FGL1: variants seen among roughly 807,000 people sequenced by gnomAD.
The protein encoded by FGL1 is fibrinogen like 1, also known as fibrinogen-like protein 1.
FGL1 carries 59 observed loss-of-function variants against 43.7 expected under a neutral mutation model. That is an observed-to-expected ratio of 1.35 (90% CI 1.10 to 1.68). FGL1 has a LOEUF of 1.68. FGL1 is among the 40% of genes most tolerant of loss of function. The probability of loss-of-function intolerance (pLI) is 0.00; values close to 1 mark genes in which losing one functional copy is unlikely to be tolerated. For synonymous variants in FGL1, 192 were observed against 126.5 expected, an observed-to-expected ratio of 1.52 and a Z score of -3.48; for missense variants, 596 against 373.0, an observed-to-expected ratio of 1.60 and a Z score of -4.92.
At chr8:17,885,384 G>C in intron 2 of FGL1, 108 bp downstream of exon 2, 1 of 902,240 alleles carries the variant, frequency 1.1e-6, no homozygotes, top group Non-Finnish European at 1.7e-6. Flanking sequence ...TTCCCACATA[G>C]TTAAGTTTTT....
intron 5 of FGL1, among the ~76,000 whole-genome samples, chr8:17,873,452 A>G (rs1182332640): frequency 1.3e-5 from 2 of 152,154 alleles, no homozygotes; most frequent in South Asian, 2.1e-4. Flanking sequence ...AGCAGAGCCC[A>G]GCCCTGATCA....
intron 3 of FGL1, among the ~76,000 whole-genome samples, chr8:17,880,445 A>T (rs1187785602): frequency 6.6e-6 from 1 of 152,204 alleles, no homozygotes; most frequent in Non-Finnish European, 1.5e-5. Context: ...TTCCCATAAG[A>T]TTGGCAACTC....
intron 2 of FGL1, among the ~76,000 whole-genome samples, chr8:17,883,746 G>C (rs1480596702): frequency 6.8e-6 from 1 of 146,558 alleles, no homozygotes; most frequent in African/African-American, 2.5e-5. Context: ...CTAGGTCCAA[G>C]TCATGGAACC....
At chr8:17,887,479 T>A (rs1297395562) in intron 1 of FGL1, among the ~76,000 whole-genome samples, 1 of 152,218 alleles carries the variant, frequency 6.6e-6, no homozygotes, top group Non-Finnish European at 1.5e-5. Flanking sequence ...CAAATTTCTG[T>A]ATTACAACAC....
chr8:17,885,549 T>C lies in FGL1; in HGVS notation c.6A>G (p.Ala2=), dbSNP rs761863714. The C allele has an allele frequency of 6.2e-7, 1 of 1,613,722 alleles. No homozygotes were observed. The highest frequency in any genetic ancestry group is 1.1e-5 in the South Asian group (1 of 90,994). Residue 2 remains alanine (A), a synonymous_variant, in exon 2 of 8, where the codon GCA becomes GCG. Transcript: ENST00000427924. ...TAACAAGGATGAAACTGAACACCTT[T>C]GCCATGTTCCCCCTTGAAAAAACTG... The part of the protein sequence containing the change: M[A]KVFSFILVTT...
intron 3 of FGL1, among the ~76,000 whole-genome samples, chr8:17,875,531 CTTTCT>C (rs2053436595): frequency 2.5e-4 from 3 of 12,150 alleles, no homozygotes; most frequent in African/African-American, 7.5e-4. Context: ...TTCTTTCTTT[CTTTCT>C]CTTTCTTTCT....
rs1215866534 is a variant in FGL1, at chr8:17,883,286, A to G, written c.64-1107T>C. Among the ~76,000 whole-genome samples the G allele has an allele frequency of 2.6e-5, 2 of 77,274 alleles. 1 individual carries two copies. Among genetic ancestry groups the G allele is most frequent in the Non-Finnish European group, 4.1e-5 (2 of 49,256 alleles). The allele number at this position is 77,274 out of a possible 152,430, so 50.7% of individuals were successfully genotyped here. A position where few individuals can be genotyped will look rare whatever the true frequency, so the allele number is the denominator to read the frequency against. ...TATAATATATTAAATAATATATCAT[A>G]TATATCATATATAATATATTAAATA... On this transcript the variant is annotated intron_variant, in intron 2 of 7. Transcript: ENST00000427924.
At position 17,868,743 on chromosome 8, in the gene FGL1, A is replaced by C; in HGVS notation, c.592-8T>G. The C allele has an allele frequency of 6.2e-7, 1 of 1,606,446 alleles. No homozygotes were observed. ...ATTCAACTCGTAGAAATTCTAAAGA[A>C]AAAGGGCATTTCTGCTGTCAGTGGA... is the stretch of plus-strand genomic sequence containing the variant. On this transcript the variant is annotated splice_polypyrimidine_tract_variant and splice_region_variant and intron_variant, in intron 6 of 7. Coordinates refer to ENST00000427924, the MANE Select transcript of FGL1 (RefSeq NM_004467.4).
chr8:17,893,638 A>G (rs2053737885), intron 1 of FGL1, among the ~76,000 whole-genome samples: 1 of 147,062 alleles, frequency 6.8e-6, no homozygotes, highest in Non-Finnish European at 1.5e-5. Context: ...GTAATTATTT[A>G]CATTTAGAAA....
intron 3 of FGL1, among the ~76,000 whole-genome samples, chr8:17,876,109 T>C (rs984209885): frequency 6.6e-6 from 1 of 152,160 alleles, no homozygotes; most frequent in East Asian, 1.9e-4. Flanking sequence ...CTACAAACAT[T>C]TGAATAAAAA....
intron 1 of FGL1, among the ~76,000 whole-genome samples, chr8:17,887,346 A>G (rs945227447): frequency 6.6e-6 from 1 of 152,184 alleles, no homozygotes; most frequent in African/African-American, 2.4e-5. Context: ...TGCACCTGGG[A>G]GAGGTATAAA....
chr8:17,893,380 G>A (rs575367339), intron 1 of FGL1, among the ~76,000 whole-genome samples: 2 of 150,936 alleles, frequency 1.3e-5, no homozygotes, highest in Admixed American at 1.3e-4. Flanking sequence ...ATACGTATAT[G>A]TATGAACATA....
rs555395827 is a variant in FGL1, at chr8:17,869,900, G to T, written c.503-896C>A. On this transcript the variant is annotated intron_variant, in intron 5 of 7. Transcript: ENST00000427924. Reference sequence around the variant, plus strand: ...CGAGGCGGGCGGATCACGAGGTCAGGAGATAGAGACCATCCTGGCTAACAC... The same window carrying T: ...CGAGGCGGGCGGATCACGAGGTCAGTAGATAGAGACCATCCTGGCTAACAC... Among the ~76,000 whole-genome samples the T allele has an allele frequency of 4.6e-5, 7 of 152,266 alleles. No homozygotes were observed. The East Asian group carries it at 1.4e-3, about 29-fold the overall frequency.
chr8:17,890,049 A>C (rs182988375), intron 1 of FGL1, among the ~76,000 whole-genome samples: 34 of 152,350 alleles, frequency 2.2e-4, no homozygotes, highest in Admixed American at 2.0e-3. Context: ...CAAAATTGCT[A>C]ATACATCATC....
intron 3 of FGL1, among the ~76,000 whole-genome samples, chr8:17,881,176 G>T (rs550601508): frequency 2.1e-5 from 3 of 142,962 alleles, no homozygotes; most frequent in Non-Finnish European, 4.5e-5. Flanking sequence ...TTATTGTGTT[G>T]CCCAGGCTGG....
intron 5 of FGL1, among the ~76,000 whole-genome samples, chr8:17,870,803 G>C (rs919756526): frequency 1.3e-5 from 2 of 152,050 alleles, no homozygotes; most frequent in African/African-American, 4.8e-5. Flanking sequence ...CTACTCAGGA[G>C]GCTGAGGCAG....
At chr8:17,882,220 T>G (rs779125027) in intron 2 of FGL1, 41 bp from the exon 3 acceptor site, 3 of 1,513,486 alleles carry the variant, frequency 2.0e-6, no homozygotes, top group African/African-American at 2.8e-5. Context: ...CACCTCATTT[T>G]CATGGAAAAC....
intron 5 of FGL1, among the ~76,000 whole-genome samples, chr8:17,870,601 A>G (rs2053343356): frequency 6.6e-6 from 1 of 152,106 alleles, no homozygotes; most frequent in Admixed American, 6.5e-5. Flanking sequence ...CCCCATCTCC[A>G]TCACTTATAG....
chr8:17,894,803 C>T (rs1214788072), intron 1 of FGL1, among the ~76,000 whole-genome samples: 1 of 146,410 alleles, frequency 6.8e-6, no homozygotes, highest in East Asian at 1.9e-4. Context: ...TGAAAATGCT[C>T]TGGGTGATGC....
Sources: gnomAD v4.1 joint callset for allele counts (sites outside exome capture counted in the v4.1 genomes callset) on GRCh38, gnomAD v4.1.1 for gene constraint, MANE v1.5 for transcripts, NCBI Gene and HGNC (gene_info 2026-07-23, HGNC 2026-07-21) for gene names.